The following TFB1M variants were observed in gnomAD, a reference collection of about 807,000 sequenced individuals.
The protein encoded by TFB1M is dimethyladenosine transferase 1, mitochondrial.
TFB1M carries 27 observed loss-of-function variants against 31.1 expected under a neutral mutation model. That is an observed-to-expected ratio of 0.87 (90% CI 0.64 to 1.20). TFB1M has a LOEUF of 1.20. Ranked by LOEUF, TFB1M falls within the 50% of genes most tolerant of loss-of-function variation. The pLI, the probability that TFB1M is intolerant of heterozygous loss-of-function variation, is 0.00. For synonymous variants in TFB1M, 166 were observed against 151.8 expected, an observed-to-expected ratio of 1.09 and a Z score of -0.69; for missense variants, 394 against 418.7, an observed-to-expected ratio of 0.94 and a Z score of 0.51.
rs1784011881 is a variant in TFB1M, at chr6:155,256,201, A to C, written c.*1635T>G. The C allele has an allele frequency of 1.8e-6, 1 of 564,534 alleles. No individual in the cohort carries two copies. The highest frequency in any genetic ancestry group is 3.0e-5 in the East Asian group (1 of 32,946). 35.0% of individuals were successfully genotyped at this position (564,534 alleles called of 1,614,324 possible). A position where few individuals can be genotyped will look rare whatever the true frequency, so the allele number is the denominator to read the frequency against. On this transcript the variant is annotated 3_prime_UTR_variant, in exon 7 of 7. Coordinates refer to ENST00000367166, the MANE Select transcript of TFB1M (RefSeq NM_016020.4). ...CAACTTACTCCTTGGCAAAATAAGA[A>C]TCTTAGCCCATGTAGTAGTTTCTAG...
chr6:155,240,812 TCCCCAGGGGGGG>T, the TFB1M span: 7 of 1,234,210 alleles, frequency 5.7e-6, no homozygotes, highest in East Asian at 7.3e-5. Flanking sequence ...CACCTGCCAC[TCCCCAGGGGGGG>T]ACACCTGCTC....
chr6:155,294,382 A>T (rs557676109), intron 4 of TFB1M, among the ~76,000 whole-genome samples: 2 of 152,372 alleles, frequency 1.3e-5, no homozygotes, highest in South Asian at 2.1e-4. Context: ...GAAAATAACA[A>T]CATGCAATAG....
chr6:155,263,746 T>C (rs570625603), intron 5 of TFB1M, among the ~76,000 whole-genome samples: 14 of 152,328 alleles, frequency 9.2e-5, no homozygotes, highest in African/African-American at 3.1e-4. Context: ...GATTATCATA[T>C]GCCCAAAAGC....
At chr6:155,252,324 CTG>C (rs1478337626), downstream of TFB1M, among the ~76,000 whole-genome samples, 6 of 152,246 alleles carry the variant, frequency 3.9e-5, no homozygotes, top group African/African-American at 1.4e-4. Context: ...ATACAAGTAA[CTG>C]GGTGTGGTAG....
chr6:155,257,802 G>A lies in TFB1M; in HGVS notation c.*34C>T, dbSNP rs775282958. 4.0e-5 allele frequency: 65 copies of A among 1,613,122 alleles called. No homozygotes were observed. The highest frequency in any genetic ancestry group is 6.7e-5 in the African/African-American group (5 of 74,800). On this transcript the variant is annotated 3_prime_UTR_variant, in exon 7 of 7. Transcript: ENST00000367166. ...TAAGAAGCTCCACGTAGTGCAAATC[G>A]ACATCTGGTAGGCTGCTCGCCCCCA...
chr6:155,286,646 T>A (rs1434194983), intron 4 of TFB1M, among the ~76,000 whole-genome samples: 1 of 129,838 alleles, frequency 7.7e-6, no homozygotes, highest in Non-Finnish European at 1.6e-5. Flanking sequence ...TATGTGTGTG[T>A]GTGTATATAT....
chr6:155,239,377 C>T, the TFB1M span, among the ~76,000 whole-genome samples: 6 of 152,144 alleles, frequency 3.9e-5, no homozygotes, highest in Non-Finnish European at 4.4e-5. Flanking sequence ...TGGCTGCTGG[C>T]GGAGATGTGA....
chr6:155,314,269 T>C (rs1778151161), intron 1 of TFB1M, 27 bp downstream of exon 1: 3 of 1,612,074 alleles, frequency 1.9e-6, no homozygotes, highest in African/African-American at 2.7e-5. Context: ...TGGGGAGACA[T>C]CCGGGGAGCA....
In TFB1M at chr6:155,311,244, C is replaced by T. The variant is rs765856279; in HGVS notation, c.229G>A (p.Asp77Asn). 3.3e-5 allele frequency: 54 copies of T among 1,613,956 alleles called. No homozygotes were observed. The highest frequency in any genetic ancestry group is 1.6e-4 in the South Asian group (15 of 91,090). ...GGITRSILNA[D>N]VAELLVVEKD... ...TCAACCACCAGAAGTTCAGCGACGT[C>T]GGCATTAAGAATAGATCTTGTGATT... Residue 77 changes from aspartate to asparagine, a missense_variant, in exon 2 of 7, where the codon GAC becomes AAC. By Grantham distance (23) the Asp-to-Asn change is conservative (BLOSUM62 1). Around this residue, in one of 3 missense-constraint regions of TFB1M, gnomAD observed 273 missense variants for 256.4 expected, o/e 1.06. Transcript: ENST00000367166.
rs780315504 is a variant in TFB1M, at chr6:155,257,133, C to A, written c.*703G>T. 2.5e-6 allele frequency: 4 copies of A among 1,607,854 alleles called. No individual in the cohort carries two copies. In the African/African-American group the frequency reaches 5.5e-5, roughly 22 times the overall value. On this transcript the variant is annotated 3_prime_UTR_variant, in exon 7 of 7. Transcript: ENST00000367166. Reference sequence around the variant, plus strand: ...ACGGAAAATCATAGTATGATTCAATCCAGATATGGGTTAAATTCCTCATTT... The same window carrying A: ...ACGGAAAATCATAGTATGATTCAATACAGATATGGGTTAAATTCCTCATTT...
chr6:155,251,041 G>A, the TFB1M span: 1 of 1,602,374 alleles, frequency 6.2e-7, no homozygotes, highest in Non-Finnish European at 8.6e-7. Context: ...CCATTCAGAA[G>A]AATGCAGACT....
At chr6:155,245,255 G>C in the TFB1M span, among the ~76,000 whole-genome samples, 1 of 152,196 alleles carries the variant, frequency 6.6e-6, no homozygotes, top group Non-Finnish European at 1.5e-5. Flanking sequence ...CCTCCAAGGG[G>C]ACCTGGAACC....
the TFB1M span, chr6:155,245,814 T>C: frequency 4.2e-6 from 4 of 945,560 alleles, no homozygotes; most frequent in Non-Finnish European, 6.3e-6. Context: ...ATTTAACAAG[T>C]AGAGAGTAAG....
downstream of TFB1M, chr6:155,252,048 G>T (rs1783695025): frequency 6.8e-7 from 1 of 1,473,790 alleles, no homozygotes; most frequent in Non-Finnish European, 9.4e-7. Context: ...TTTCATAGCT[G>T]TATCTTCCTA....
At chr6:155,287,328 T>C (rs889446893) in intron 4 of TFB1M, among the ~76,000 whole-genome samples, 3 of 152,182 alleles carry the variant, frequency 2.0e-5, no homozygotes, top group African/African-American at 2.4e-5. Context: ...ACACGGGCGA[T>C]AGGTATAAAA....
At position 155,314,407 on chromosome 6, in the gene TFB1M, T is replaced by C. The variant is rs112816108; in HGVS notation, c.22A>G (p.Ser8Gly). 479 of 1,614,206 alleles carry C rather than the reference T, an allele frequency of 3.0e-4. 1 individual carries two copies. In the African/African-American group the frequency reaches 5.1e-3, roughly 17 times the overall value. The change falls in exon 1 of 7, where the codon AGC (serine) becomes GGC (glycine). Residue 8 changes from serine (S) to glycine (G), a missense_variant. Ser to Gly is a moderately conservative substitution (Grantham distance 56, BLOSUM62 0). Coordinates refer to ENST00000367166, the MANE Select transcript of TFB1M (RefSeq NM_016020.4). Reference sequence around the variant, plus strand: ...GGCAACGGAGGGAGACGGCAAGTGCTGAGTTTTCCGGAGGCAGCCATGATA... The same window carrying C: ...GGCAACGGAGGGAGACGGCAAGTGCCGAGTTTTCCGGAGGCAGCCATGATA... MAASGKL[S>G]TCRLPPLPTI...
intron 5 of TFB1M, among the ~76,000 whole-genome samples, chr6:155,282,604 T>C (rs1776421683): frequency 6.6e-6 from 1 of 152,222 alleles, no homozygotes; most frequent in Non-Finnish European, 1.5e-5. Flanking sequence ...TTATCTTACC[T>C]TGTGTTGCAA....
intron 1 of TFB1M, among the ~76,000 whole-genome samples, chr6:155,311,853 A>C (rs113810705): frequency 2.0e-5 from 3 of 152,220 alleles, no homozygotes; most frequent in Admixed American, 1.3e-4. Context: ...CAATGGCAAT[A>C]AGTTCTTAGA....
chr6:155,300,688 G>A (rs7775163), intron 2 of TFB1M, among the ~76,000 whole-genome samples: 58,578 of 152,000 alleles, frequency 0.39, 11,894 homozygotes, highest in East Asian at 0.66. Context: ...GCTGTTTGAC[G>A]TTAACTTAAT....
Sources: gnomAD v4.1 joint callset for allele counts (sites outside exome capture counted in the v4.1 genomes callset) on GRCh38, gnomAD v4.1.1 for gene constraint, gnomAD v4.1.1 regional missense constraint, MANE v1.5 for transcripts, NCBI Gene and HGNC (gene_info 2026-07-23, HGNC 2026-07-21) for gene names.